IMMP1L: variants seen among roughly 807,000 people sequenced by gnomAD.
The protein encoded by IMMP1L is mitochondrial inner membrane protease subunit 1.
IMMP1L carries 24 observed loss-of-function variants against 21.8 expected under a neutral mutation model. The ratio of observed to expected loss-of-function variants is 1.10; its 90% CI spans 0.80 to 1.55. The LOEUF is 1.55. IMMP1L is among the 40% of genes most tolerant of loss of function. IMMP1L has a pLI of 0.00. For synonymous variants in IMMP1L, 46 were observed against 62.8 expected (o/e 0.73, Z 1.26); for missense variants, 195 against 200.7 (o/e 0.97, Z 0.17).
At chr11:31,450,165 C>T (rs533983521) in intron 4 of IMMP1L, among the ~76,000 whole-genome samples, 1 of 152,130 alleles carries the variant, frequency 6.6e-6, no homozygotes, top group South Asian at 2.1e-4. Flanking sequence ...AATAAAAGGA[C>T]CAAAAGAACA....
chr11:31,468,187 G>A (rs964740785), intron 1 of IMMP1L, among the ~76,000 whole-genome samples: 4 of 151,976 alleles, frequency 2.6e-5, no homozygotes, highest in Non-Finnish European at 5.9e-5. Context: ...GGGACAACTG[G>A]GTAAATCTGA....
At chr11:31,452,768 G>C in intron 4 of IMMP1L, 1 of 1,003,198 alleles carries the variant, frequency 1.0e-6, no homozygotes, top group Non-Finnish European at 1.2e-6. Context: ...TTCTTTTCTT[G>C]AGACGGAGTT....
At chr11:31,507,056 G>C (rs1955799962) in intron 1 of IMMP1L, among the ~76,000 whole-genome samples, 1 of 152,094 alleles carries the variant, frequency 6.6e-6, no homozygotes, top group Non-Finnish European at 1.5e-5. Context: ...GAGGTGGGCG[G>C]ATCACGAGGT....
At chr11:31,496,614 T>C (rs1181240304) in intron 1 of IMMP1L, among the ~76,000 whole-genome samples, 4 of 150,350 alleles carry the variant, frequency 2.7e-5, no homozygotes, top group Non-Finnish European at 5.9e-5. Flanking sequence ...AACTGTGATA[T>C]ATGTGTGTGT....
At chr11:31,452,561 G>A (rs1256916015) in intron 4 of IMMP1L, 2 of 985,230 alleles carry the variant, frequency 2.0e-6, no homozygotes, top group Admixed American at 6.2e-5. Flanking sequence ...AGCAAACTGA[G>A]GAATTCCTGT....
At chr11:31,486,069 G>A (rs1012547510) in intron 1 of IMMP1L, among the ~76,000 whole-genome samples, 2 of 139,038 alleles carry the variant, frequency 1.4e-5, no homozygotes, top group African/African-American at 5.5e-5. Flanking sequence ...TTTTTTTTTT[G>A]TAATGACCTC....
intron 1 of IMMP1L, among the ~76,000 whole-genome samples, chr11:31,467,649 A>C (rs567278401): frequency 6.6e-6 from 1 of 152,256 alleles, no homozygotes; most frequent in Non-Finnish European, 1.5e-5. Context: ...ACAGCTAATA[A>C]ATGTAGAAGG....
intron 1 of IMMP1L, among the ~76,000 whole-genome samples, chr11:31,465,305 AAAAATAAAAATGG>A (rs1327608388): frequency 1.3e-5 from 2 of 152,088 alleles, no homozygotes; most frequent in African/African-American, 4.8e-5. Flanking sequence ...AGAGGACATA[AAAAATAAAAATGG>A]AAAGACAGCC....
intron 1 of IMMP1L, among the ~76,000 whole-genome samples, chr11:31,489,194 G>A (rs765332595): frequency 3.9e-5 from 6 of 152,040 alleles, no homozygotes; most frequent in Non-Finnish European, 8.8e-5. Context: ...ACCGCACCCG[G>A]CCAAAAAGTT....
intron 4 of IMMP1L, among the ~76,000 whole-genome samples, chr11:31,440,396 C>G (rs539454365): frequency 1.3e-5 from 2 of 152,024 alleles, no homozygotes; most frequent in East Asian, 3.9e-4. Flanking sequence ...TTAAAAAAAA[C>G]TTTTTTTTCT....
intron 4 of IMMP1L, among the ~76,000 whole-genome samples, chr11:31,445,614 G>A (rs187026024): frequency 2.6e-5 from 4 of 152,162 alleles, no homozygotes; most frequent in African/African-American, 9.6e-5. Context: ...TCTCCTGCTT[G>A]TGTTTTACTC....
chr11:31,484,030 A>T (rs774266667), intron 1 of IMMP1L, among the ~76,000 whole-genome samples: 9 of 151,892 alleles, frequency 5.9e-5, no homozygotes, highest in Non-Finnish European at 1.2e-4. Flanking sequence ...TTTAATTTGT[A>T]TAACAAATAT....
At chr11:31,450,246 T>A (rs1953698695) in intron 4 of IMMP1L, among the ~76,000 whole-genome samples, 1 of 152,140 alleles carries the variant, frequency 6.6e-6, no homozygotes, top group South Asian at 2.1e-4. Flanking sequence ...AAACTCTTAT[T>A]ACCACACAAC....
chr11:31,494,079 C>G (rs1321037845), intron 1 of IMMP1L, among the ~76,000 whole-genome samples: 1 of 152,246 alleles, frequency 6.6e-6, no homozygotes. Context: ...CTTCTCACAG[C>G]TCCACCAGGC....
At chr11:31,505,572 G>A (rs1212691614) in intron 1 of IMMP1L, among the ~76,000 whole-genome samples, 4 of 152,178 alleles carry the variant, frequency 2.6e-5, no homozygotes, top group Non-Finnish European at 5.9e-5. Context: ...GCAAACAGTG[G>A]AAGAAATGGT....
At chr11:31,490,055 A>G (rs1175159524) in intron 1 of IMMP1L, among the ~76,000 whole-genome samples, 1 of 152,184 alleles carries the variant, frequency 6.6e-6, no homozygotes, top group African/African-American at 2.4e-5. Context: ...AGAGACAACC[A>G]CTATTCTAAT....
chr11:31,456,317 C>T lies in IMMP1L; in HGVS notation c.264G>A (p.Leu88=), dbSNP rs1953934898. The part of the protein sequence containing the change: ...KSNICKRVIG[L]EGDKILTTSP... ...TAGTGGTGAGGATTTTGTCTCCTTC[C>T]AAACCAATTACTCTTTTACAAATAT... The change falls in exon 4 of 6, where the codon TTG becomes TTA. Residue 88 remains leucine, a synonymous_variant. Coordinates refer to ENST00000532287, the MANE Select transcript of IMMP1L (RefSeq NM_001304274.2). The T allele has an allele frequency of 1.2e-6, 2 of 1,608,562 alleles. No individual in the cohort carries two copies. Among genetic ancestry groups the T allele is most frequent in the Non-Finnish European group, 1.7e-6 (2 of 1,175,624 alleles).
chr11:31,503,288 G>A (rs190227432), intron 1 of IMMP1L, among the ~76,000 whole-genome samples: 13 of 152,050 alleles, frequency 8.5e-5, no homozygotes, highest in East Asian at 1.9e-4. Context: ...AACTACATAC[G>A]GTATATTAGA....
At chr11:31,479,878 C>G (rs1954836940) in intron 1 of IMMP1L, among the ~76,000 whole-genome samples, 1 of 151,964 alleles carries the variant, frequency 6.6e-6, no homozygotes, top group Non-Finnish European at 1.5e-5. Context: ...AGTGTCAAAT[C>G]TGGTAGATAA....
Sources: gnomAD v4.1 joint callset for allele counts (sites outside exome capture counted in the v4.1 genomes callset) on GRCh38, gnomAD v4.1.1 for gene constraint, MANE v1.5 for transcripts, NCBI Gene and HGNC (gene_info 2026-07-23, HGNC 2026-07-21) for gene names.